Variants in OIT3 observed in about 807,000 individuals in gnomAD.
OIT3 encodes the protein oncoprotein-induced transcript 3 protein.
OIT3 carries 41 observed loss-of-function variants against 52.2 expected under a neutral mutation model. That is an observed-to-expected ratio of 0.79 (90% CI 0.61 to 1.02). The LOEUF is 1.02. OIT3 is among the 50% of genes least tolerant of loss of function. OIT3 has a pLI of 0.00. For missense variants in OIT3, 634 were observed against 715.5 expected, an observed-to-expected ratio of 0.89 and a Z score of 1.30; for synonymous variants, 244 against 276.9, an observed-to-expected ratio of 0.88 and a Z score of 1.18.
intron 6 of OIT3, among the ~76,000 whole-genome samples, chr10:72,918,969 C>T (rs931409008): frequency 9.2e-5 from 14 of 151,870 alleles, no homozygotes; most frequent in African/African-American, 2.7e-4. Flanking sequence ...TTTTTTGATT[C>T]GATATGAATT....
intron 1 of OIT3, among the ~76,000 whole-genome samples, chr10:72,898,288 A>C (rs1381803075): frequency 6.6e-6 from 1 of 152,102 alleles, no homozygotes; most frequent in Non-Finnish European, 1.5e-5. Flanking sequence ...CCCTGTTTCA[A>C]AAATAATAAT....
chr10:72,922,054 T>G (rs1161073733), intron 6 of OIT3, among the ~76,000 whole-genome samples: 1 of 152,206 alleles, frequency 6.6e-6, no homozygotes, highest in Non-Finnish European at 1.5e-5. Context: ...AAGGGTCCAC[T>G]GTTAGTCTGA....
intron 6 of OIT3, among the ~76,000 whole-genome samples, chr10:72,923,657 C>T (rs1476022682): frequency 6.6e-6 from 1 of 152,230 alleles, no homozygotes; most frequent in Non-Finnish European, 1.5e-5. Flanking sequence ...CTGACCTGAA[C>T]ACACCTATAG....
chr10:72,894,381 A>C (rs1845855687), intron 1 of OIT3, among the ~76,000 whole-genome samples: 1 of 152,198 alleles, frequency 6.6e-6, no homozygotes, highest in Non-Finnish European at 1.5e-5. Flanking sequence ...CTGGCCAGTC[A>C]GGCAAAGAAA....
intron 6 of OIT3, chr10:72,918,031 C>G: frequency 4.9e-6 from 4 of 817,994 alleles, no homozygotes; most frequent in South Asian, 2.7e-5. Flanking sequence ...TCATCGTCAT[C>G]ATCATCATCA....
At position 72,924,514 on chromosome 10, in the gene OIT3, C is replaced by T. The variant is rs774831409; in HGVS notation, c.1237C>T (p.Arg413Cys). The change falls in exon 7 of 9, where the codon CGT (arginine) becomes TGT (cysteine). Residue 413 changes from arginine to cysteine, a missense_variant. Arg to Cys is a radical substitution (Grantham distance 180). Transcript: ENST00000334011. ...YREALPTLKLRDSLYFGIEPV... is the reference protein window; with the variant it reads ...YREALPTLKLCDSLYFGIEPV... The stretch of plus-strand genomic sequence containing the variant: ...GGAAGCTCTGCCCACCCTCAAGCTT[C>T]GTGACTCCCTCTACTTTGGCATTGA... 4 of 1,614,200 alleles carry T rather than the reference C, an allele frequency of 2.5e-6. No individual in the cohort carries two copies. Among genetic ancestry groups the T allele is most frequent in the African/African-American group, 1.3e-5 (1 of 75,060 alleles).
At chr10:72,913,227 T>A in intron 5 of OIT3, 81 bp from the exon 6 acceptor site, 7 of 1,202,668 alleles carry the variant, frequency 5.8e-6, no homozygotes, top group Non-Finnish European at 6.9e-6. Context: ...TTGGGTTGTG[T>A]GAGGGTGAAA....
intron 4 of OIT3, among the ~76,000 whole-genome samples, chr10:72,907,487 C>T (rs565111452): frequency 2.0e-5 from 3 of 152,276 alleles, no homozygotes; most frequent in South Asian, 2.1e-4. Flanking sequence ...AACCACTGGC[C>T]GACAGCTGTG....
chr10:72,913,596 A>C, intron 6 of OIT3, 128 bp downstream of exon 6: 1 of 795,288 alleles, frequency 1.3e-6, no homozygotes, highest in Non-Finnish European at 2.2e-6. Context: ...CTGAGCTCAA[A>C]ACATCTTACG....
At chr10:72,895,396 C>T (rs1460362672) in intron 1 of OIT3, among the ~76,000 whole-genome samples, 2 of 152,142 alleles carry the variant, frequency 1.3e-5, no homozygotes, top group African/African-American at 4.8e-5. Context: ...TTCCTCCAAC[C>T]CCCAGCTCCT....
chr10:72,918,278 C>T (rs1334349857), intron 6 of OIT3: 2 of 785,640 alleles, frequency 2.5e-6, no homozygotes, highest in Non-Finnish European at 2.3e-6. Context: ...CAAGAGAAAC[C>T]GTTGGCTATA....
At chr10:72,898,218 C>T (rs1333528909) in intron 1 of OIT3, among the ~76,000 whole-genome samples, 2 of 151,970 alleles carry the variant, frequency 1.3e-5, no homozygotes, top group Admixed American at 6.6e-5. Context: ...GCCCAGGAGG[C>T]GGAGGTTGCA....
Position 72,899,013 on chromosome 10 carries a change from C to T in OIT3, c.411C>T (p.Ser137=), listed in dbSNP as rs372292566. 24 of 1,611,114 alleles carry T rather than the reference C, an allele frequency of 1.5e-5. No homozygotes were observed. Among genetic ancestry groups the T allele is most frequent in the Admixed American group, 3.3e-5 (2 of 59,956 alleles). The part of the protein sequence containing the change: ...GYYVYRLTKP[S]VCFHVYCGHF... ...ATGTGTATCGTCTGACCAAGCCCAGCGTCTGCTTCCACGTCTACTGTGGTC... is the reference window on the plus strand; with the variant it reads ...ATGTGTATCGTCTGACCAAGCCCAGTGTCTGCTTCCACGTCTACTGTGGTC... The change falls in exon 2 of 9, where the codon AGC becomes AGT. Residue 137 remains serine (S), a synonymous_variant. Transcript: ENST00000334011.
chr10:72,925,892 A>T (rs926401924), intron 7 of OIT3, among the ~76,000 whole-genome samples: 12 of 152,154 alleles, frequency 7.9e-5, no homozygotes, highest in Non-Finnish European at 1.0e-4. Flanking sequence ...TAGGTGTGAG[A>T]CACCATGTTT....
chr10:72,899,171 A>C, intron 2 of OIT3, 133 bp downstream of exon 2: 1 of 735,722 alleles, frequency 1.4e-6, no homozygotes, highest in Middle Eastern at 3.9e-4. Context: ...GGGGCTAAAG[A>C]TACCTCTGAT....
intron 6 of OIT3, among the ~76,000 whole-genome samples, chr10:72,916,770 G>GTC (rs1341435536): frequency 2.6e-5 from 4 of 152,146 alleles, no homozygotes; most frequent in Non-Finnish European, 5.9e-5. Context: ...TTCCACAATG[G>GTC]TTGAACTAAT....
At position 72,911,672 on chromosome 10, in the gene OIT3, A is replaced by G. The variant is rs113902520; in HGVS notation, c.668-45A>G. The G allele has an allele frequency of 2.6e-3, 4,082 of 1,592,680 alleles. 3 individuals carry two copies. Among genetic ancestry groups the G allele is most frequent in the Non-Finnish European group, 3.0e-3 (3,538 of 1,168,740 alleles). ...TGCAAAGTGCCAGAATTCTTGGGGT[A>G]GAGGGTTACGAGATTATTCCCTTTT... On this transcript the variant is annotated intron_variant, in intron 4 of 8. Transcript: ENST00000334011.
In OIT3 at chr10:72,898,753, T is replaced by C; in HGVS notation, c.151T>C (p.Cys51Arg). ...QLDESQGPPL[C>R]DNHVNGEWYH... ...GGATGAGTCTCAAGGTCCTCCTCTA[T>C]GTGACAACCATGTGAATGGGGAGTG... Residue 51 changes from cysteine to arginine, a missense_variant, in exon 2 of 9, where the codon TGT becomes CGT. Transcript: ENST00000334011. 1 of 1,614,126 alleles carries C rather than the reference T, an allele frequency of 6.2e-7. No homozygotes were observed. The highest frequency in any genetic ancestry group is 8.5e-7 in the Non-Finnish European group (1 of 1,179,984).
intron 6 of OIT3, among the ~76,000 whole-genome samples, chr10:72,914,565 A>C (rs1192719025): frequency 6.6e-6 from 1 of 152,236 alleles, no homozygotes; most frequent in African/African-American, 2.4e-5. Context: ...TCAAATGGAC[A>C]TGCCACATGG....
Sources: allele counts gnomAD v4.1 joint callset (sites outside exome capture counted in the v4.1 genomes callset), GRCh38; gene constraint gnomAD v4.1.1; transcripts MANE v1.5; gene names NCBI Gene and HGNC (gene_info 2026-07-23, HGNC 2026-07-21).